The following NCOA3 variants were observed in gnomAD, a reference collection of about 807,000 sequenced individuals.
The protein encoded by NCOA3 is CBP-interacting protein.
In NCOA3, 51 loss-of-function variants were observed where a neutral mutation model predicts 158.8. The ratio of observed to expected loss-of-function variants is 0.32; its 90% CI spans 0.26 to 0.41. The LOEUF is 0.41. Among genes scored for constraint, NCOA3 ranks in the 10% least tolerant of loss-of-function variants. The probability of loss-of-function intolerance (pLI) is 1.00; values close to 1 mark genes in which losing one functional copy is unlikely to be tolerated. For missense variants in NCOA3, 1,510 were observed against 1,746.6 expected (o/e 0.86, Z 2.41); for synonymous variants, 537 against 592.4 (o/e 0.91, Z 1.36).
intron 1 of NCOA3, among the ~76,000 whole-genome samples, chr20:47,523,635 T>C (rs2084380693): frequency 6.6e-6 from 1 of 152,218 alleles, no homozygotes. Context: ...ATAATTTTGA[T>C]TTTTAAGTAC....
intron 1 of NCOA3, among the ~76,000 whole-genome samples, chr20:47,531,339 T>TCAAA (rs10664468): frequency 0.56 from 83,597 of 150,430 alleles, 23,821 homozygotes; most frequent in East Asian, 0.76. Flanking sequence ...CGAGACTATC[T>TCAAA]CAAACAAACA....
chr20:47,596,865 C>T (rs1029560185), intron 2 of NCOA3, among the ~76,000 whole-genome samples: 2 of 152,220 alleles, frequency 1.3e-5, no homozygotes, highest in Admixed American at 1.3e-4. Context: ...GCTGGGATTA[C>T]AGGTGTGAGG....
intron 13 of NCOA3, among the ~76,000 whole-genome samples, chr20:47,638,753 C>G (rs1351687513): frequency 2.0e-5 from 3 of 147,986 alleles, no homozygotes; most frequent in Non-Finnish European, 4.4e-5. Context: ...CAGAAAAGTT[C>G]TCAGTACTTC....
At chr20:47,635,192 G>T (rs994339297) in intron 10 of NCOA3, 130 bp from the exon 11 acceptor site, 9 of 869,474 alleles carry the variant, frequency 1.0e-5, no homozygotes, top group African/African-American at 1.7e-5. Context: ...GCTTCCCAAA[G>T]TGCTGGGAAT....
intron 2 of NCOA3, among the ~76,000 whole-genome samples, chr20:47,608,144 C>G (rs2085977873): frequency 6.6e-6 from 1 of 151,972 alleles, no homozygotes; most frequent in Non-Finnish European, 1.5e-5. Context: ...AACCCTGTCT[C>G]TACTAAAAAT....
intron 1 of NCOA3, among the ~76,000 whole-genome samples, chr20:47,573,211 C>G (rs1227799174): frequency 1.3e-5 from 2 of 152,110 alleles, no homozygotes; most frequent in Admixed American, 6.6e-5. Flanking sequence ...CCAGCCTGAC[C>G]AACATGGTGA....
At chr20:47,623,698 G>A (rs1278448786) in intron 3 of NCOA3, among the ~76,000 whole-genome samples, 1 of 152,034 alleles carries the variant, frequency 6.6e-6, no homozygotes, top group Non-Finnish European at 1.5e-5. Flanking sequence ...TGAGTCAGGA[G>A]AATTGCCTGA....
chr20:47,505,789 G>A (rs1602310783), intron 1 of NCOA3, among the ~76,000 whole-genome samples: 1 of 145,196 alleles, frequency 6.9e-6, no homozygotes, highest in Non-Finnish European at 1.5e-5. Context: ...GTAAAATGTA[G>A]GCATTTTCTC....
At chr20:47,585,201 A>G (rs201510889) in intron 2 of NCOA3, among the ~76,000 whole-genome samples, 1 of 151,750 alleles carries the variant, frequency 6.6e-6, no homozygotes, top group Non-Finnish European at 1.5e-5. Context: ...ACAGGCGTGC[A>G]CGGCCACATC....
At chr20:47,522,511 T>A (rs1222039374) in intron 1 of NCOA3, among the ~76,000 whole-genome samples, 1 of 149,230 alleles carries the variant, frequency 6.7e-6, no homozygotes, top group Non-Finnish European at 1.5e-5. Context: ...GGAGGGGGGC[T>A]CCAAAACCAA....
intron 1 of NCOA3, among the ~76,000 whole-genome samples, chr20:47,544,316 C>CTTTTTTTTTTTT (rs397866275): frequency 1.6e-4 from 16 of 99,702 alleles, no homozygotes; most frequent in African/African-American, 5.4e-4. Flanking sequence ...TTTAATACTA[C>CTTTTTTTTTTTT]TTTTTTTTTT....
At chr20:47,552,078 C>T (rs751536613) in intron 1 of NCOA3, among the ~76,000 whole-genome samples, 1 of 152,158 alleles carries the variant, frequency 6.6e-6, no homozygotes, top group Non-Finnish European at 1.5e-5. Context: ...CTCAAGGTCA[C>T]TCATCACTCA....
At chr20:47,506,146 G>T (rs952225089) in intron 1 of NCOA3, among the ~76,000 whole-genome samples, 7 of 152,044 alleles carry the variant, frequency 4.6e-5, no homozygotes, top group Non-Finnish European at 1.0e-4. Context: ...GGTTGGGGAG[G>T]GGTTACAAAA....
chr20:47,614,517 C>G (rs1214041944), intron 2 of NCOA3, among the ~76,000 whole-genome samples: 1 of 152,084 alleles, frequency 6.6e-6, no homozygotes, highest in Admixed American at 6.5e-5. Context: ...TACACCAAAC[C>G]TCTCTCTAAT....
intron 1 of NCOA3, among the ~76,000 whole-genome samples, chr20:47,560,392 C>G (rs887144017): frequency 4.6e-5 from 7 of 152,146 alleles, no homozygotes; most frequent in African/African-American, 1.4e-4. Context: ...GACGTGCTTT[C>G]AAGTCAATTG....
chr20:47,620,141 C>A (rs1177082675), intron 2 of NCOA3, among the ~76,000 whole-genome samples: 1 of 151,856 alleles, frequency 6.6e-6, no homozygotes, highest in Non-Finnish European at 1.5e-5. Flanking sequence ...GAGACAGAGT[C>A]TCACTCGGTC....
chr20:47,513,700 C>A (rs923244529), intron 1 of NCOA3, among the ~76,000 whole-genome samples: 1 of 128,404 alleles, frequency 7.8e-6, no homozygotes, highest in Non-Finnish European at 1.6e-5. Flanking sequence ...CACTCCAGCC[C>A]GATGGAGCAA....
At chr20:47,563,711 A>T (rs1179286081) in intron 1 of NCOA3, among the ~76,000 whole-genome samples, 7 of 151,872 alleles carry the variant, frequency 4.6e-5, no homozygotes, top group Non-Finnish European at 8.8e-5. Context: ...ACGTGGTGAA[A>T]TGCCATCTCT....
chr20:47,579,948 G>A (rs1291304772), intron 1 of NCOA3, among the ~76,000 whole-genome samples: 2 of 152,180 alleles, frequency 1.3e-5, no homozygotes, highest in Non-Finnish European at 2.9e-5. Flanking sequence ...GTCAAGGCTT[G>A]ATTTGGTTGC....
Sources: gnomAD v4.1 joint callset for allele counts (sites outside exome capture counted in the v4.1 genomes callset) on GRCh38, gnomAD v4.1.1 for gene constraint, MANE v1.5 for transcripts, NCBI Gene and HGNC (gene_info 2026-07-23, HGNC 2026-07-21) for gene names.